ZCCHC14: variants seen among roughly 807,000 people sequenced by gnomAD.
The protein encoded by ZCCHC14 is zinc finger CCHC domain-containing protein 14.
A neutral mutation model predicts 85.0 loss-of-function variants in ZCCHC14; 16 were observed. The ratio of observed to expected loss-of-function variants is 0.19; its 90% CI spans 0.13 to 0.29. ZCCHC14 has a LOEUF of 0.29. Ranked by LOEUF, ZCCHC14 falls within the 10% of genes least tolerant of loss-of-function variation. The pLI, the probability that ZCCHC14 is intolerant of heterozygous loss-of-function variation, is 1.00. For synonymous variants in ZCCHC14, 775 were observed against 630.7 expected (o/e 1.23, Z -3.43); for missense variants, 1,303 against 1,443.5 (o/e 0.90, Z 1.58).
chr16:87,447,155 A>G (rs1441224275), intron 2 of ZCCHC14, among the ~76,000 whole-genome samples: 1 of 152,202 alleles, frequency 6.6e-6, no homozygotes, highest in Non-Finnish European at 1.5e-5. Flanking sequence ...GCAGAGCCTT[A>G]TAAGACACAT....
chr16:87,484,792 G>C (rs1217914106), intron 1 of ZCCHC14, among the ~76,000 whole-genome samples: 2 of 152,126 alleles, frequency 1.3e-5, no homozygotes, highest in Non-Finnish European at 2.9e-5. Context: ...TAAAGGTGGG[G>C]TTTTGTTGAA....
intron 1 of ZCCHC14, among the ~76,000 whole-genome samples, chr16:87,461,820 A>C (rs938220151): frequency 3.3e-5 from 5 of 152,228 alleles, no homozygotes; most frequent in Non-Finnish European, 7.3e-5. Flanking sequence ...AGATCCTCTG[A>C]TCCCAGCTCT....
At chr16:87,466,690 G>A (rs188166626) in intron 1 of ZCCHC14, among the ~76,000 whole-genome samples, 5 of 152,286 alleles carry the variant, frequency 3.3e-5, no homozygotes, top group South Asian at 2.1e-4. Flanking sequence ...CGCTTTCTAC[G>A]ACTGTGCAAT....
Position 87,423,830 on chromosome 16 carries a change from C to T in ZCCHC14, c.820G>A (p.Val274Met), listed in dbSNP as rs1447200469. 6.2e-7 allele frequency: 1 copy of T among 1,614,164 alleles called. No individual in the cohort carries two copies. Among genetic ancestry groups the T allele is most frequent in the Admixed American group, 1.7e-5 (1 of 60,024 alleles). The change falls in exon 4 of 13, where the codon GTG becomes ATG. Residue 274 changes from valine (V) to methionine (M), a missense_variant. This residue lies in a region of ZCCHC14 where 389 missense variants were observed against 397.8 expected (regional missense o/e 0.98). Coordinates refer to ENST00000671377, the MANE Select transcript of ZCCHC14 (RefSeq NM_015144.3). ...CTTACCTTTGAAATAAATTCCGTCA[C>T]TTCAGAGGAAGATTTGGTTACTGAT... is the stretch of plus-strand genomic sequence containing the variant. ...ITSVTKSSSE[V>M]TEFISKLCQL...
rs562532246 is a variant in ZCCHC14, at chr16:87,408,325, T to C, written c.*1955A>G. 1 of 152,620 alleles carries C rather than the reference T, an allele frequency of 6.6e-6. No homozygotes were observed. Among genetic ancestry groups the C allele is most frequent in the Admixed American group, 6.5e-5 (1 of 15,298 alleles). 9.5% of individuals were successfully genotyped at this position (152,620 alleles called of 1,614,324 possible). A position where few individuals can be genotyped will look rare whatever the true frequency, so the allele number is the denominator to read the frequency against. On this transcript the variant is annotated 3_prime_UTR_variant, in exon 13 of 13. Coordinates refer to ENST00000671377, the MANE Select transcript of ZCCHC14 (RefSeq NM_015144.3). ...TTCTTTGCTTAAAAAAACCAAAAAA[T>C]TTAAAAGTTTGGCTTTCAGCACATA...
At chr16:87,433,674 C>CT (rs535682909) in intron 2 of ZCCHC14, among the ~76,000 whole-genome samples, 17 of 149,930 alleles carry the variant, frequency 1.1e-4, no homozygotes, top group East Asian at 3.9e-4. Context: ...CTTCTTTTTT[C>CT]TTTTTTTTTT....
chr16:87,415,740 C>T (rs552798577), intron 8 of ZCCHC14, among the ~76,000 whole-genome samples: 1 of 152,302 alleles, frequency 6.6e-6, no homozygotes, highest in East Asian at 1.9e-4. Context: ...CTAAAGAAAA[C>T]GTCTTGCATA....
chr16:87,477,182 A>C (rs1219892386), intron 1 of ZCCHC14, among the ~76,000 whole-genome samples: 1 of 151,584 alleles, frequency 6.6e-6, no homozygotes, highest in African/African-American at 2.4e-5. Flanking sequence ...TGAAAACACC[A>C]GATGACACAC....
At chr16:87,465,134 C>G (rs1490060826) in intron 1 of ZCCHC14, among the ~76,000 whole-genome samples, 1 of 152,248 alleles carries the variant, frequency 6.6e-6, no homozygotes, top group African/African-American at 2.4e-5. Flanking sequence ...GCTGTCCCCT[C>G]TGCCTGGAAG....
rs555632183 is a variant in ZCCHC14, at chr16:87,492,088, G to A, written c.151C>T (p.Leu51=). 1.3e-4 allele frequency: 176 copies of A among 1,394,190 alleles called. No homozygotes were observed. The South Asian group carries it at 2.4e-3, about 19-fold the overall frequency. 86.4% of individuals were successfully genotyped at this position (1,394,190 alleles called of 1,614,324 possible). The stretch of plus-strand genomic sequence containing the variant: ...AGCGAGTGGTAGTCCTTGCGGGCCA[G>A]GTCCTCCAGGCACGAGCCGAGGAAG... The part of the protein sequence containing the change: ...LRFLGSCLED[L]ARKDYHSLRD... The change falls in exon 1 of 13, where the codon CTG becomes TTG. Residue 51 remains leucine, a synonymous_variant. Coordinates refer to ENST00000671377, the MANE Select transcript of ZCCHC14 (RefSeq NM_015144.3). The surrounding 1 kb of genome is among the most constrained non-coding windows in gnomAD (Gnocchi z 6.7).
At chr16:87,462,537 A>C (rs1175397308) in intron 1 of ZCCHC14, among the ~76,000 whole-genome samples, 3 of 149,512 alleles carry the variant, frequency 2.0e-5, no homozygotes, top group Non-Finnish European at 1.5e-5. Context: ...TCGGGAGATC[A>C]AGACCATCCT....
chr16:87,487,002 C>T (rs1174870766), intron 1 of ZCCHC14, among the ~76,000 whole-genome samples: 1 of 152,258 alleles, frequency 6.6e-6, no homozygotes, highest in Non-Finnish European at 1.5e-5. Context: ...ACCACTTATA[C>T]TTTGCCTGAT....
intron 1 of ZCCHC14, among the ~76,000 whole-genome samples, chr16:87,478,249 A>T (rs1016539191): frequency 6.6e-6 from 1 of 152,254 alleles, no homozygotes; most frequent in African/African-American, 2.4e-5. Context: ...CTACAGTGTC[A>T]TCCCTAGACC....
intron 8 of ZCCHC14, among the ~76,000 whole-genome samples, chr16:87,415,885 T>C (rs1908756270): frequency 6.6e-6 from 1 of 150,508 alleles, no homozygotes; most frequent in Non-Finnish European, 1.5e-5. Context: ...TTTTCTTCCT[T>C]TTTTTGAGAC....
intron 1 of ZCCHC14, among the ~76,000 whole-genome samples, chr16:87,485,944 C>T (rs1912497133): frequency 6.6e-6 from 1 of 152,202 alleles, no homozygotes; most frequent in Non-Finnish European, 1.5e-5. Context: ...TATCTTCGCA[C>T]TTGAACAAAT....
chr16:87,455,718 GTTGACGATTTT>G (rs1910923476), intron 2 of ZCCHC14, among the ~76,000 whole-genome samples: 2 of 152,216 alleles, frequency 1.3e-5, no homozygotes, highest in South Asian at 4.1e-4. Flanking sequence ...GATGGCTGGA[GTTGACGATTTT>G]TCGACTTTAC....
At chr16:87,423,369 A>G (rs1360233161) in intron 4 of ZCCHC14, among the ~76,000 whole-genome samples, 1 of 152,194 alleles carries the variant, frequency 6.6e-6, no homozygotes, top group East Asian at 1.9e-4. Flanking sequence ...GGGCGAGAGC[A>G]AGATCCAGTC....
chr16:87,432,170 C>T lies in ZCCHC14; in HGVS notation c.768+958G>A, dbSNP rs201723056. On this transcript the variant is annotated intron_variant, in intron 3 of 12. Coordinates refer to ENST00000671377, the MANE Select transcript of ZCCHC14 (RefSeq NM_015144.3). ...CTGTCTGGAGAGCACTCTCCAATGA[C>T]GCTGGGAACCGACCTTCAAGAGCAG... 1.6e-4 allele frequency among the ~76,000 whole-genome samples: 24 copies of T among 152,266 alleles called. No individual in the cohort carries two copies. The East Asian group carries it at 4.1e-3, about 26-fold the overall frequency.
chr16:87,443,205 G>T (rs532640250), intron 2 of ZCCHC14, among the ~76,000 whole-genome samples: 40 of 152,336 alleles, frequency 2.6e-4, no homozygotes, highest in African/African-American at 9.1e-4. Flanking sequence ...ACTGTGACCG[G>T]AAGGGCAGAG....
Sources: allele counts gnomAD v4.1 joint callset (sites outside exome capture counted in the v4.1 genomes callset), GRCh38; gene constraint gnomAD v4.1.1; regional missense constraint gnomAD v4.1.1; non-coding constraint Gnocchi (gnomAD v3.1); transcripts MANE v1.5; gene names NCBI Gene and HGNC (gene_info 2026-07-23, HGNC 2026-07-21).